ZFYVE1: variants seen among roughly 807,000 people sequenced by gnomAD.
ZFYVE1 encodes the protein zinc finger FYVE-type containing 1, also known as zinc finger FYVE domain-containing protein 1.
A neutral mutation model predicts 74.4 loss-of-function variants in ZFYVE1; 30 were observed. The observed-to-expected ratio is 0.40, with a 90% CI of 0.30 to 0.55. The LOEUF (loss-of-function observed/expected upper bound fraction) is 0.55. Ranked by LOEUF, ZFYVE1 falls within the 20% of genes least tolerant of loss-of-function variation. The pLI is 0.42. For missense variants in ZFYVE1, 703 were observed against 1,011.6 expected, an observed-to-expected ratio of 0.69 and a Z score of 4.14; for synonymous variants, 335 against 385.1, an observed-to-expected ratio of 0.87 and a Z score of 1.52.
chr14:72,979,274 C>A, intron 5 of ZFYVE1: 2 of 293,844 alleles, frequency 6.8e-6, no homozygotes, highest in Admixed American at 4.0e-5. Context: ...CCGACGGGGG[C>A]AGATCACTTC....
At chr14:72,985,743 A>G (rs1027358595) in intron 4 of ZFYVE1, among the ~76,000 whole-genome samples, 4 of 151,378 alleles carry the variant, frequency 2.6e-5, no homozygotes, top group African/African-American at 4.9e-5. Flanking sequence ...AATAGCAATT[A>G]TTATTTAAAA....
chr14:72,987,022 G>C (rs2140356590), intron 4 of ZFYVE1: 3 of 956,748 alleles, frequency 3.1e-6, no homozygotes, highest in East Asian at 2.3e-4. Flanking sequence ...GGAAAAGGTT[G>C]CCTGGAGACC....
At chr14:72,973,430 AGTGAGCCAAGATC>A (rs1171799837) in intron 11 of ZFYVE1, among the ~76,000 whole-genome samples, 2 of 152,114 alleles carry the variant, frequency 1.3e-5, no homozygotes, top group African/African-American at 2.4e-5. Context: ...CGGAGGTTGC[AGTGAGCCAAGATC>A]GCACCACTGT....
At chr14:72,978,259 C>G in intron 6 of ZFYVE1, 25 bp from the exon 7 acceptor site, 1 of 1,606,148 alleles carries the variant, frequency 6.2e-7, no homozygotes, top group African/African-American at 1.3e-5. Context: ...ACTCTGCTAG[C>G]TTATTGTTTG....
rs185620484 is a variant in ZFYVE1, at chr14:72,985,893, G to A, written c.1204-3998C>T. 5.3e-5 allele frequency among the ~76,000 whole-genome samples: 8 copies of A among 152,268 alleles called. No homozygotes were observed. The East Asian group carries it at 5.8e-4, about 11-fold the overall frequency. The stretch of plus-strand genomic sequence containing the variant: ...CTTCCAAACTGCTGGGATTATAGGC[G>A]TGAGCCACTGTGCCCAGCCAAGAAT... On this transcript the variant is annotated intron_variant, in intron 4 of 11. Transcript: ENST00000556143.
In ZFYVE1 at chr14:72,980,536, AATTTATTTATTT is replaced by A. The variant is rs777150047; in HGVS notation, c.1310+1241_1310+1252del. Among the ~76,000 whole-genome samples, 297 of 81,514 alleles carry A rather than the reference AATTTATTTATTT, an allele frequency of 3.6e-3. 1 individual carries two copies. Among genetic ancestry groups the A allele is most frequent in the Admixed American group, 5.8e-3 (49 of 8,418 alleles). The allele number at this position is 81,514 out of a possible 152,430, so 53.5% of individuals were successfully genotyped here. The stretch of plus-strand genomic sequence containing the variant: ...CATCAGCATCACCTGAGAATTAATT[AATTTATTTATTT>A]ATTTATTTATTTATTTATTTATTTA... On this transcript the variant is annotated intron_variant, in intron 5 of 11. Transcript: ENST00000556143.
intron 4 of ZFYVE1, 94 bp downstream of exon 4, chr14:72,993,049 T>A (rs1893657456): frequency 6.3e-6 from 8 of 1,260,112 alleles, no homozygotes; most frequent in Non-Finnish European, 8.6e-6. Flanking sequence ...CACCCAGATT[T>A]CCAATCACCA....
At chr14:73,017,241 C>T (rs951815789) in intron 2 of ZFYVE1, among the ~76,000 whole-genome samples, 1 of 152,196 alleles carries the variant, frequency 6.6e-6, no homozygotes, top group Non-Finnish European at 1.5e-5. Context: ...TCTGTCAGAT[C>T]GATCACTTTC....
intron 2 of ZFYVE1, among the ~76,000 whole-genome samples, chr14:73,022,404 C>T (rs957968651): frequency 6.6e-6 from 1 of 152,146 alleles, no homozygotes. Context: ...TACTCCCCTC[C>T]AAACTGGAAA....
intron 2 of ZFYVE1, among the ~76,000 whole-genome samples, chr14:73,015,864 T>C (rs1003023349): frequency 2.6e-5 from 4 of 151,758 alleles, no homozygotes; most frequent in African/African-American, 4.8e-5. Flanking sequence ...GAGGTGGAGA[T>C]TGCAGTGAGC....
intron 2 of ZFYVE1, among the ~76,000 whole-genome samples, chr14:73,015,228 TGAAGGAAGGAAGGAAGGAAGGAAG>T (rs1175732970): frequency 0.012 from 344 of 28,572 alleles, 11 homozygotes; most frequent in Middle Eastern, 0.068. Flanking sequence ...AGACTCCATC[TGAAGGAAGGAAGGAAGGAAGGAAG>T]GAAGGAAGGA....
intron 2 of ZFYVE1, among the ~76,000 whole-genome samples, chr14:73,012,232 G>A (rs1277431695): frequency 1.3e-5 from 2 of 152,090 alleles, no homozygotes; most frequent in African/African-American, 4.8e-5. Context: ...GTAGGTAACA[G>A]TTAACTGAGA....
Position 72,975,066 on chromosome 14 carries a change from G to T in ZFYVE1, c.1807-107C>A. ...GAGCAAGCAGAAACTAAGGCAGGTG[G>T]CGTTAGCTCAACAAGGACAAGAGCT... On this transcript the variant is annotated intron_variant, in intron 9 of 11. Coordinates refer to ENST00000556143, the MANE Select transcript of ZFYVE1 (RefSeq NM_021260.4). The surrounding 1 kb of genome is among the most constrained non-coding windows in gnomAD (Gnocchi z 4.1). 1.6e-6 allele frequency: 2 copies of T among 1,276,956 alleles called. No individual in the cohort carries two copies. The highest frequency in any genetic ancestry group is 2.1e-6 in the Non-Finnish European group (2 of 936,794). The allele number at this position is 1,276,956 out of a possible 1,614,324, so 79.1% of individuals were successfully genotyped here.
At chr14:72,980,260 C>A (rs929530721) in intron 5 of ZFYVE1, among the ~76,000 whole-genome samples, 1 of 152,194 alleles carries the variant, frequency 6.6e-6, no homozygotes, top group East Asian at 1.9e-4. Flanking sequence ...AATGACCATT[C>A]ATAACAGATG....
chr14:73,016,691 G>A (rs1383527974), intron 2 of ZFYVE1, among the ~76,000 whole-genome samples: 1 of 151,424 alleles, frequency 6.6e-6, no homozygotes, highest in African/African-American at 2.4e-5. Context: ...AGATCAGCCT[G>A]CCCAAAATGG....
At position 72,997,858 on chromosome 14, in the gene ZFYVE1, G is replaced by A. The variant is rs1199747848; in HGVS notation, c.941C>T (p.Ala314Val). 1.2e-6 allele frequency: 2 copies of A among 1,610,386 alleles called. No homozygotes were observed. Among genetic ancestry groups the A allele is most frequent in the African/African-American group, 2.7e-5 (2 of 74,824 alleles). The change falls in exon 3 of 12, where the codon GCA becomes GTA. Residue 314 changes from alanine to valine, a missense_variant. Around this residue, in one of 2 missense-constraint regions of ZFYVE1, gnomAD observed 492 missense variants for 790.0 expected, o/e 0.62. Transcript: ENST00000556143. The stretch of plus-strand genomic sequence containing the variant: ...CACGGTCTCATGGAAGATGATAACT[G>A]CAGGGCCCAGTGTGGATAAAGGGAC... Reference protein sequence around the residue: ...LDVPLSTLGPAVIIFHETVHT... With the variant: ...LDVPLSTLGPVVIIFHETVHT...
chr14:73,016,413 AGGCAAGAGAAT>A (rs1894203820), intron 2 of ZFYVE1, among the ~76,000 whole-genome samples: 1 of 152,012 alleles, frequency 6.6e-6, no homozygotes. Context: ...CAGGAGGCTG[AGGCAAGAGAAT>A]GGCGTGAACC....
Position 72,978,972 on chromosome 14 carries a change from G to A in ZFYVE1, c.1311-3C>T. The A allele has an allele frequency of 6.2e-7, 1 of 1,613,206 alleles. No individual in the cohort carries two copies. The highest frequency in any genetic ancestry group is 8.5e-7 in the Non-Finnish European group (1 of 1,179,282). Reference sequence around the variant, plus strand: ...TCATGCTTTTCTTACATCCAACCCTGAATGAAGCCCAAAGACTGACAATGA... The same window carrying A: ...TCATGCTTTTCTTACATCCAACCCTAAATGAAGCCCAAAGACTGACAATGA... On this transcript the variant is annotated splice_polypyrimidine_tract_variant and splice_region_variant and intron_variant, in intron 5 of 11. Transcript: ENST00000556143.
At position 72,969,878 on chromosome 14, in the gene ZFYVE1, G is replaced by A. The variant is rs1892985355; in HGVS notation, c.*1004C>T. The A allele has an allele frequency of 9.7e-6, 6 of 620,246 alleles. No homozygotes were observed. Among genetic ancestry groups the A allele is most frequent in the Non-Finnish European group, 5.7e-6 (2 of 349,600 alleles). The allele number at this position is 620,246 out of a possible 1,614,324, so 38.4% of individuals were successfully genotyped here. On this transcript the variant is annotated 3_prime_UTR_variant, in exon 12 of 12. Coordinates refer to ENST00000556143, the MANE Select transcript of ZFYVE1 (RefSeq NM_021260.4). ...TTAAAAACAACTAACAGTTCATCCT[G>A]TGCTCAGTTTCCCTGGAAGGTTTCT...
Sources: allele counts gnomAD v4.1 joint callset (sites outside exome capture counted in the v4.1 genomes callset), GRCh38; gene constraint gnomAD v4.1.1; regional missense constraint gnomAD v4.1.1; non-coding constraint Gnocchi (gnomAD v3.1); transcripts MANE v1.5; gene names NCBI Gene and HGNC (gene_info 2026-07-23, HGNC 2026-07-21).